The following CFAP47 variants were observed in gnomAD, a reference collection of about 807,000 sequenced individuals.
CFAP47 encodes the protein cilia- and flagella-associated protein 47.
CFAP47 carries 29 observed loss-of-function variants against 148.1 expected under a neutral mutation model. That is an observed-to-expected ratio of 0.20 (90% CI 0.15 to 0.27). The LOEUF (loss-of-function observed/expected upper bound fraction) is 0.27, where lower values mean the gene tolerates loss of function less well. CFAP47 is among the 10% of genes least tolerant of loss of function. The pLI is 1.00. For synonymous variants in CFAP47, 664 were observed against 577.3 expected (o/e 1.15, Z -2.15); for missense variants, 1,872 against 1,697.5 (o/e 1.10, Z -1.81).
chrX:36,254,211 T>C (rs180870648), intron 49 of CFAP47, among the ~76,000 whole-genome samples: 144 of 111,393 alleles, frequency 1.3e-3, no homozygotes, highest in African/African-American at 4.7e-3. Flanking sequence ...GGGTTTGATC[T>C]GAACCTTGAA....
intron 26 of CFAP47, among the ~76,000 whole-genome samples, chrX:36,062,661 T>C (rs776381929): frequency 9.0e-6 from 1 of 110,571 alleles, no homozygotes; most frequent in Admixed American, 9.7e-5. Context: ...ATTTCCAGCA[T>C]AGGAAAATCC....
At chrX:36,034,613 A>G (rs185476477) in intron 23 of CFAP47, among the ~76,000 whole-genome samples, 71 of 111,103 alleles carry the variant, frequency 6.4e-4, no homozygotes, top group African/African-American at 2.2e-3. Flanking sequence ...TTAATATTAC[A>G]TTTTTTATTT....
chrX:35,925,895 T>C, intron 1 of CFAP47, 122 bp from the exon 2 acceptor site: 1 of 492,889 alleles, frequency 2.0e-6, no homozygotes, highest in Non-Finnish European at 3.3e-6. Context: ...GACCTCATGA[T>C]TCGCTGGCCT....
At chrX:36,067,894 G>C in intron 27 of CFAP47, among the ~76,000 whole-genome samples, 1 of 110,335 alleles carries the variant, frequency 9.1e-6, no homozygotes, top group Non-Finnish European at 1.9e-5. Context: ...CTCGTGATCC[G>C]CCCACCTCGG....
At chrX:36,107,124 TA>T (rs1235854984) in intron 33 of CFAP47, among the ~76,000 whole-genome samples, 1 of 111,779 alleles carries the variant, frequency 8.9e-6, no homozygotes, top group African/African-American at 3.2e-5. Context: ...GATAATGCTT[TA>T]AAAAACTGTC....
chrX:36,208,409 A>G (rs1264037064), intron 45 of CFAP47, among the ~76,000 whole-genome samples: 4 of 110,777 alleles, frequency 3.6e-5, no homozygotes, highest in Non-Finnish European at 7.5e-5. Flanking sequence ...AAGTCCCACA[A>G]TGGATCTCGG....
intron 29 of CFAP47, among the ~76,000 whole-genome samples, chrX:36,080,508 T>C (rs1937955918): frequency 1.8e-5 from 2 of 111,596 alleles, no homozygotes; most frequent in Non-Finnish European, 3.8e-5. Flanking sequence ...CTATTCACAA[T>C]AGCAAAGACT....
intron 15 of CFAP47, among the ~76,000 whole-genome samples, chrX:35,986,775 C>A (rs193077722): frequency 1.3e-3 from 144 of 110,929 alleles, no homozygotes; most frequent in Non-Finnish European, 2.1e-3. Context: ...CCATTGGTGA[C>A]CTTTGGATGG....
At chrX:35,978,283 A>C (rs150636131) in intron 15 of CFAP47, among the ~76,000 whole-genome samples, 2 of 111,465 alleles carry the variant, frequency 1.8e-5, no homozygotes, top group East Asian at 5.7e-4. Flanking sequence ...TAATATTTCT[A>C]TATTCTAACT....
At position 36,301,172 on chromosome X, in the gene CFAP47, C is replaced by T. The variant is rs1192675518; in HGVS notation, c.7963C>T (p.Leu2655Phe). The part of the protein sequence containing the change: ...PTTMPEIQCD[L>F]GKHVTQIIPL... ...CACAATGCCAGAAATACAGTGCGACCTTGGCAAGTAAGTTCTACTTAATAG... is the reference window on the plus strand; with the variant it reads ...CACAATGCCAGAAATACAGTGCGACTTTGGCAAGTAAGTTCTACTTAATAG... The change falls in exon 53 of 64, where the codon CTT becomes TTT. Residue 2655 changes from leucine to phenylalanine, a missense_variant. Transcript: ENST00000378653. The T allele has an allele frequency of 1.8e-6, 2 of 1,106,307 alleles. No homozygotes were observed. The highest frequency in any genetic ancestry group is 2.4e-6 in the Non-Finnish European group (2 of 823,178). 91.2% of individuals were successfully genotyped at this position (1,106,307 alleles called of 1,213,427 possible). A position where few individuals can be genotyped will look rare whatever the true frequency, so the allele number is the denominator to read the frequency against.
chrX:36,207,259 A>G (rs1235997821), intron 45 of CFAP47, among the ~76,000 whole-genome samples: 1 of 111,870 alleles, frequency 8.9e-6, no homozygotes, highest in Non-Finnish European at 1.9e-5. Flanking sequence ...AGGAGAATAA[A>G]CAAGCAAATT....
At chrX:35,939,997 T>A (rs905657033) in intron 2 of CFAP47, among the ~76,000 whole-genome samples, 12 of 110,224 alleles carry the variant, frequency 1.1e-4, no homozygotes, top group African/African-American at 4.0e-4. Context: ...CTAACTGGTG[T>A]GAGATGGTAT....
At chrX:36,077,607 T>C (rs1198016591) in intron 29 of CFAP47, among the ~76,000 whole-genome samples, 2 of 111,160 alleles carry the variant, frequency 1.8e-5, no homozygotes, top group Non-Finnish European at 3.8e-5. Context: ...CCAATTTTCA[T>C]ACATTGATTT....
chrX:36,367,424 C>T (rs782025809), intron 62 of CFAP47, among the ~76,000 whole-genome samples: 8 of 111,861 alleles, frequency 7.2e-5, no homozygotes, highest in Non-Finnish European at 1.5e-4. Flanking sequence ...CTGCAAATGT[C>T]AATTGTGTTG....
chrX:36,327,584 G>C (rs1291468995), intron 57 of CFAP47, among the ~76,000 whole-genome samples: 1 of 111,482 alleles, frequency 9.0e-6, no homozygotes, highest in East Asian at 2.8e-4. Context: ...TTAAAACAGA[G>C]CGTCCATTTG....
chrX:36,280,484 T>C lies in CFAP47; in HGVS notation c.7445-3T>C, dbSNP rs1556003408. ...TAGGGCATCTTGTACTTATGTGTTG[T>C]AGGTACAATTACATTTTCTACTACA... On this transcript the variant is annotated splice_polypyrimidine_tract_variant and splice_region_variant and intron_variant, in intron 49 of 63. Transcript: ENST00000378653. The C allele has an allele frequency of 2.0e-6, 1 of 500,662 alleles. No individual in the cohort carries two copies. The highest frequency in any genetic ancestry group is 3.6e-6 in the Non-Finnish European group (1 of 280,481). 41.3% of individuals were successfully genotyped at this position (500,662 alleles called of 1,213,427 possible). A position where few individuals can be genotyped will look rare whatever the true frequency, so the allele number is the denominator to read the frequency against.
At position 35,991,843 on chromosome X, in the gene CFAP47, T is replaced by G. The variant is rs780076418; in HGVS notation, c.2867T>G (p.Leu956Arg). The G allele has an allele frequency of 3.4e-6, 1 of 294,693 alleles. No individual in the cohort carries two copies. Among genetic ancestry groups the G allele is most frequent in the East Asian group, 4.8e-5 (1 of 20,867 alleles). 24.3% of individuals were successfully genotyped at this position (294,693 alleles called of 1,213,427 possible). The change falls in exon 17 of 64, where the codon CTT becomes CGT. Residue 956 changes from leucine to arginine, a missense_variant. Transcript: ENST00000378653. ...VAHLGRTKVL[L>R]LQPRILFSNC... Reference sequence around the variant, plus strand: ...TAGCTTGGTCGCACCAAGGTTTTACTTTTGCAGCCAAGGATACTCTTTAGT... The same window carrying G: ...TAGCTTGGTCGCACCAAGGTTTTACGTTTGCAGCCAAGGATACTCTTTAGT...
rs1338047928 is a variant in CFAP47 at position 35,997,474 on chromosome X, TA to T, written c.3177+90del. On this transcript the variant is annotated intron_variant, in intron 19 of 63. Transcript: ENST00000378653. ...GTGTTTCTAGTTAGCCCATTTATGTTAAAAATATTTTCCAATGTATAATTTT... is the reference window on the plus strand; with the variant it reads ...GTGTTTCTAGTTAGCCCATTTATGTTAAAATATTTTCCAATGTATAATTTT... The T allele has an allele frequency of 1.1e-5, 3 of 272,006 alleles. No individual in the cohort carries two copies. In the East Asian group the frequency reaches 1.6e-4, roughly 14 times the overall value. 22.4% of individuals were successfully genotyped at this position (272,006 alleles called of 1,213,427 possible).
At chrX:35,979,855 T>C (rs893281782) in intron 15 of CFAP47, among the ~76,000 whole-genome samples, 5 of 112,103 alleles carry the variant, frequency 4.5e-5, no homozygotes, top group Non-Finnish European at 9.4e-5. Context: ...CATTCCTCCC[T>C]AGTTAGAATA....
Sources: gnomAD v4.1 joint callset for allele counts (sites outside exome capture counted in the v4.1 genomes callset) on GRCh38, gnomAD v4.1.1 for gene constraint, MANE v1.5 for transcripts, NCBI Gene and HGNC (gene_info 2026-07-23, HGNC 2026-07-21) for gene names.